CBR1: variants seen among roughly 807,000 people sequenced by gnomAD.
The protein encoded by CBR1 is carbonyl reductase [NADPH] 1.
CBR1 carries 11 observed loss-of-function variants against 10.6 expected under a neutral mutation model. The ratio of observed to expected loss-of-function variants is 1.03; its 90% confidence interval spans 0.65 to 1.71. CBR1 has a LOEUF of 1.71. Among genes scored for constraint, CBR1 ranks in the 40% most tolerant of loss-of-function variants. The probability of loss-of-function intolerance (pLI) is 0.00; values close to 1 mark genes in which losing one functional copy is unlikely to be tolerated. For synonymous variants in CBR1, 158 were observed against 156.7 expected (o/e 1.01, Z -0.06); for missense variants, 361 against 368.6 (o/e 0.98, Z 0.17).
At position 36,072,781 on chromosome 21, in the gene CBR1, G is replaced by A. The variant is rs1189215235; in HGVS notation, c.733G>A (p.Glu245Lys). The A allele has an allele frequency of 1.9e-6, 3 of 1,613,986 alleles. No homozygotes were observed. Among genetic ancestry groups the A allele is most frequent in the Admixed American group, 3.3e-5 (2 of 60,008 alleles). ...GGGACCCAAGGCCACCAAGAGCCCA[G>A]AAGAAGGTGCAGAGACCCCTGTGTA... ...MAGPKATKSP[E>K]EGAETPVYLA... The change falls in exon 3 of 3, where the codon GAA becomes AAA. Residue 245 changes from glutamate to lysine, a missense_variant. Coordinates refer to ENST00000290349, the MANE Select transcript of CBR1 (RefSeq NM_001757.4).
At position 36,072,969 on chromosome 21, in the gene CBR1, T is replaced by A; in HGVS notation, c.*87T>A. 1.1e-6 allele frequency: 1 copy of A among 874,090 alleles called. No homozygotes were observed. The highest frequency in any genetic ancestry group is 1.7e-6 in the Non-Finnish European group (1 of 578,642). 54.1% of individuals were successfully genotyped at this position (874,090 alleles called of 1,614,324 possible). A position where few individuals can be genotyped will look rare whatever the true frequency, so the allele number is the denominator to read the frequency against. On this transcript the variant is annotated 3_prime_UTR_variant, in exon 3 of 3. Coordinates refer to ENST00000290349, the MANE Select transcript of CBR1 (RefSeq NM_001757.4). ...GGCATTTACAATGTCATAAATATCC[T>A]TATATAAGAAAAAAAATGATCTCTT... is the stretch of plus-strand genomic sequence containing the variant.
intron 2 of CBR1, chr21:36,072,243 T>G (rs749119317): frequency 6.4e-7 from 1 of 1,550,714 alleles, no homozygotes; most frequent in East Asian, 2.4e-5. Context: ...CACCTGACTC[T>G]ACTCAGCCAA....
In CBR1 at chr21:36,070,201, T is replaced by G; in HGVS notation, c.86T>G (p.Phe29Cys). ...ATCGTGCGCGACCTGTGCCGGCTGT[T>G]CTCGGGGGACGTGGTGCTCACGGCG... ...LAIVRDLCRL[F>C]SGDVVLTARD... The change falls in exon 1 of 3, where the codon TTC (phenylalanine) becomes TGC (cysteine). Residue 29 changes from phenylalanine (F) to cysteine (C), a missense_variant. Transcript: ENST00000290349. 6.2e-7 allele frequency: 1 copy of G among 1,607,636 alleles called. No individual in the cohort carries two copies. Among genetic ancestry groups the G allele is most frequent in the African/African-American group, 1.3e-5 (1 of 74,864 alleles).
chr21:36,070,302 G>A lies in CBR1; in HGVS notation c.187G>A (p.Asp63Asn), dbSNP rs555028304. Residue 63 changes from aspartate to asparagine, a missense_variant, in exon 1 of 3, where the codon GAC becomes AAC. Coordinates refer to ENST00000290349, the MANE Select transcript of CBR1 (RefSeq NM_001757.4). ...EGLSPRFHQL[D>N]IDDLQSIRAL... ...CCTGAGCCCGCGCTTCCACCAGCTG[G>A]ACATCGACGATCTGCAGAGCATCCG... is the stretch of plus-strand genomic sequence containing the variant. The A allele has an allele frequency of 1.2e-6, 2 of 1,613,166 alleles. No homozygotes were observed. The highest frequency in any genetic ancestry group is 1.3e-5 in the African/African-American group (1 of 75,068).
chr21:36,071,085 T>C, intron 2 of CBR1, 28 bp downstream of exon 2: 2 of 1,462,776 alleles, frequency 1.4e-6, no homozygotes, highest in East Asian at 4.5e-5. Context: ...CAGCGCACCT[T>C]CTCTTTGGGG....
At chr21:36,071,983 G>A in intron 2 of CBR1, 1 of 1,534,932 alleles carries the variant, frequency 6.5e-7, no homozygotes, top group Non-Finnish European at 8.7e-7. Context: ...ACTATCACAT[G>A]TCTTTGGTTG....
At chr21:36,071,360 T>G in intron 2 of CBR1, 1 of 609,302 alleles carries the variant, frequency 1.6e-6, no homozygotes, top group Non-Finnish European at 2.9e-6. Context: ...CATTCCCCTC[T>G]GCGTGGGAGT....
chr21:36,070,791 G>A (rs1394544277), intron 1 of CBR1, among the ~76,000 whole-genome samples, 159 bp from the exon 2 acceptor site: 1 of 151,418 alleles, frequency 6.6e-6, no homozygotes, highest in African/African-American at 2.4e-5. Context: ...ATCAAACCAG[G>A]AGATTGACAT....
At chr21:36,071,872 C>T in intron 2 of CBR1, 3 of 1,536,122 alleles carry the variant, frequency 2.0e-6, no homozygotes, top group Non-Finnish European at 2.6e-6. Context: ...GGAGGAAAGT[C>T]CAAGCCCTTA....
chr21:36,072,162 C>G lies in CBR1; in HGVS notation c.398-284C>G, dbSNP rs751633352. On this transcript the variant is annotated intron_variant, in intron 2 of 2. Coordinates refer to ENST00000290349, the MANE Select transcript of CBR1 (RefSeq NM_001757.4). ...CTTTTATCCTGTTTCCCTGTCCTGTCGTCCTGTTAAGTTGTGCTACTTCTA... is the reference window on the plus strand; with the variant it reads ...CTTTTATCCTGTTTCCCTGTCCTGTGGTCCTGTTAAGTTGTGCTACTTCTA... The G allele has an allele frequency of 1.9e-6, 3 of 1,547,184 alleles. No individual in the cohort carries two copies. In the African/African-American group the frequency reaches 4.1e-5, roughly 21 times the overall value.
Position 36,073,034 on chromosome 21 carries a change from C to T in CBR1, c.*152C>T. ...ACTAATGTACTACTAATTGAGCAAC[C>T]TACGCACTCAGTTGACTACGTAAAT... On this transcript the variant is annotated 3_prime_UTR_variant, in exon 3 of 3. Coordinates refer to ENST00000290349, the MANE Select transcript of CBR1 (RefSeq NM_001757.4). The T allele has an allele frequency of 1.9e-6, 1 of 517,772 alleles. No individual in the cohort carries two copies. The allele number at this position is 517,772 out of a possible 1,614,324, so 32.1% of individuals were successfully genotyped here.
At chr21:36,072,162 C>CGTCCTGTT in intron 2 of CBR1, 7 of 1,547,302 alleles carry the variant, frequency 4.5e-6, no homozygotes, top group Non-Finnish European at 4.4e-6. Flanking sequence ...CCTGTCCTGT[C>CGTCCTGTT]GTCCTGTTAA....
chr21:36,070,462 G>A lies in CBR1; in HGVS notation c.289+58G>A, dbSNP rs538650389. The A allele has an allele frequency of 2.0e-3, 3,031 of 1,504,470 alleles. 1 individual carries two copies. Among genetic ancestry groups the A allele is most frequent in the Non-Finnish European group, 2.5e-3 (2,836 of 1,123,868 alleles). The allele number at this position is 1,504,470 out of a possible 1,614,324, so 93.2% of individuals were successfully genotyped here. Reference sequence around the variant, plus strand: ...GAACCGATGCACTGGGGCTCCTGGCGTCTGCGGGGTCCATAACGCCTCCCT... The same window carrying A: ...GAACCGATGCACTGGGGCTCCTGGCATCTGCGGGGTCCATAACGCCTCCCT... On this transcript the variant is annotated intron_variant, in intron 1 of 2. Coordinates refer to ENST00000290349, the MANE Select transcript of CBR1 (RefSeq NM_001757.4).
intron 2 of CBR1, 32 bp downstream of exon 2, chr21:36,071,089 T>A: frequency 2.8e-6 from 4 of 1,445,816 alleles, no homozygotes; most frequent in Non-Finnish European, 3.9e-6. Flanking sequence ...GCACCTTCTC[T>A]TTGGGGCTTG....
chr21:36,071,875 A>G, intron 2 of CBR1: 5 of 1,536,148 alleles, frequency 3.3e-6, no homozygotes, highest in Non-Finnish European at 4.4e-6. Flanking sequence ...GGAAAGTCCA[A>G]GCCCTTAGCA....
In CBR1 at chr21:36,070,311, G is replaced by A; in HGVS notation, c.196G>A (p.Asp66Asn). ...GCGCTTCCACCAGCTGGACATCGAC[G>A]ATCTGCAGAGCATCCGCGCCCTGCG... ...SPRFHQLDID[D>N]LQSIRALRDF... is the part of the protein sequence containing the mutation. Residue 66 changes from aspartate to asparagine, a missense_variant, in exon 1 of 3, where the codon GAT becomes AAT. Coordinates refer to ENST00000290349, the MANE Select transcript of CBR1 (RefSeq NM_001757.4). 3 of 1,613,278 alleles carry A rather than the reference G, an allele frequency of 1.9e-6. No individual in the cohort carries two copies. The highest frequency in any genetic ancestry group is 1.3e-5 in the African/African-American group (1 of 75,074).
rs753192675 is a variant in CBR1 at position 36,071,049 on chromosome 21, A to T, written c.389A>T (p.Lys130Ile). ...DVCTELLPLI[K>I]PQGRVVNVSS... ...TGCACAGAATTACTCCCTCTAATAA[A>T]ACCCCAAGGTGAGTCTGATGGGAAA... is the stretch of plus-strand genomic sequence containing the variant. The change falls in exon 2 of 3, where the codon AAA becomes ATA. Residue 130 changes from lysine to isoleucine, a missense_variant. Lys to Ile is a moderately radical substitution (Grantham distance 102, BLOSUM62 -3). Coordinates refer to ENST00000290349, the MANE Select transcript of CBR1 (RefSeq NM_001757.4). The T allele has an allele frequency of 7.5e-6, 12 of 1,606,216 alleles. No homozygotes were observed. Among genetic ancestry groups the T allele is most frequent in the African/African-American group, 2.7e-5 (2 of 74,696 alleles).
In CBR1 at chr21:36,072,548, A is replaced by ACT; in HGVS notation, c.500_501insCT (p.Glu167AspfsTer7). 1 of 1,601,406 alleles carries ACT rather than the reference A, an allele frequency of 6.2e-7. No homozygotes were observed. Among genetic ancestry groups the ACT allele is most frequent in the African/African-American group, 1.3e-5 (1 of 74,182 alleles). On this transcript the variant is annotated frameshift_variant, in exon 3 of 3. Coordinates refer to ENST00000290349, the MANE Select transcript of CBR1 (RefSeq NM_001757.4). LOFTEE classifies it low-confidence loss of function (END_TRUNC). ...CGCAGTGAGACCATCACTGAGGAGGAGCTGGTGGGGCTCATGAACAAGTTT... is the reference window on the plus strand; with the variant it reads ...CGCAGTGAGACCATCACTGAGGAGGACTGCTGGTGGGGCTCATGAACAAGTTT...
In CBR1 at chr21:36,070,285, C is replaced by T. The variant is rs758236840; in HGVS notation, c.170C>T (p.Pro57Leu). ...VQQLQAEGLS[P>L]RFHQLDIDDL... ...CAGCTGCAGGCGGAGGGCCTGAGCCCGCGCTTCCACCAGCTGGACATCGAC... is the reference window on the plus strand; with the variant it reads ...CAGCTGCAGGCGGAGGGCCTGAGCCTGCGCTTCCACCAGCTGGACATCGAC... The change falls in exon 1 of 3, where the codon CCG becomes CTG. Residue 57 changes from proline (P) to leucine (L), a missense_variant. By Grantham distance (98) the Pro-to-Leu change is moderately conservative. Coordinates refer to ENST00000290349, the MANE Select transcript of CBR1 (RefSeq NM_001757.4). The T allele has an allele frequency of 6.2e-6, 10 of 1,612,650 alleles. No individual in the cohort carries two copies. Among genetic ancestry groups the T allele is most frequent in the Admixed American group, 1.7e-5 (1 of 60,010 alleles).
Sources: gnomAD v4.1 joint callset for allele counts (sites outside exome capture counted in the v4.1 genomes callset) on GRCh38, gnomAD v4.1.1 for gene constraint, MANE v1.5 for transcripts, NCBI Gene and HGNC (gene_info 2026-07-23, HGNC 2026-07-21) for gene names.